Variants in GALNTL6 observed in about 807,000 individuals in gnomAD.
The protein encoded by GALNTL6 is polypeptide N-acetylgalactosaminyltransferase like 6, also known as polypeptide N-acetylgalactosaminyltransferase-like 6.
In GALNTL6, 46 loss-of-function variants were observed where a neutral mutation model predicts 73.7. That is an observed-to-expected ratio of 0.62 (90% confidence interval 0.49 to 0.80). The LOEUF (loss-of-function observed/expected upper bound fraction) is 0.80. GALNTL6 is among the 30% of genes least tolerant of loss of function. GALNTL6 has a pLI of 0.00. For missense variants in GALNTL6, 604 were observed against 755.0 expected (o/e 0.80, Z 2.34); for synonymous variants, 259 against 263.7 (o/e 0.98, Z 0.17).
chr4:172,002,127 C>T (rs1180282292), intron 2 of GALNTL6, among the ~76,000 whole-genome samples: 1 of 152,156 alleles, frequency 6.6e-6, no homozygotes, highest in East Asian at 1.9e-4. Context: ...ATCTTGCCAA[C>T]TTCAACAGGT....
chr4:172,676,532 T>C (rs1216998152), intron 5 of GALNTL6, among the ~76,000 whole-genome samples: 1 of 152,210 alleles, frequency 6.6e-6, no homozygotes, highest in African/African-American at 2.4e-5. Context: ...CCTCCTGTAT[T>C]TTGGGCTTGG....
At chr4:172,645,439 T>C (rs988151904) in intron 5 of GALNTL6, among the ~76,000 whole-genome samples, 1 of 151,976 alleles carries the variant, frequency 6.6e-6, no homozygotes, top group African/African-American at 2.4e-5. Context: ...GGAACATGTA[T>C]TGAGAAGATT....
intron 5 of GALNTL6, among the ~76,000 whole-genome samples, chr4:172,410,980 C>A (rs1332267094): frequency 6.6e-6 from 1 of 152,038 alleles, no homozygotes; most frequent in Non-Finnish European, 1.5e-5. Flanking sequence ...TTAGGCAAAA[C>A]AAGCCACATT....
intron 5 of GALNTL6, among the ~76,000 whole-genome samples, chr4:172,573,849 A>G (rs1360680453): frequency 6.6e-6 from 1 of 152,202 alleles, no homozygotes; most frequent in African/African-American, 2.4e-5. Context: ...GACTTTTGCC[A>G]GTAACACGTT....
chr4:172,608,952 T>C (rs908901932), intron 5 of GALNTL6, among the ~76,000 whole-genome samples: 24 of 152,266 alleles, frequency 1.6e-4, no homozygotes, highest in African/African-American at 5.5e-4. Flanking sequence ...ATAGAAATGC[T>C]ACTAATTTTT....
At chr4:172,008,894 G>A (rs1302714205) in intron 2 of GALNTL6, among the ~76,000 whole-genome samples, 2 of 151,908 alleles carry the variant, frequency 1.3e-5, no homozygotes, top group Non-Finnish European at 2.9e-5. Context: ...TGTAGAGGAG[G>A]GAGGGTGGTA....
At chr4:172,562,624 C>T (rs190709525) in intron 5 of GALNTL6, among the ~76,000 whole-genome samples, 4 of 152,342 alleles carry the variant, frequency 2.6e-5, no homozygotes, top group East Asian at 1.9e-4. Context: ...ACCCTTATCC[C>T]GGCCTCTTCT....
intron 2 of GALNTL6, among the ~76,000 whole-genome samples, chr4:172,122,383 C>T (rs1733175641): frequency 6.6e-6 from 1 of 152,094 alleles, no homozygotes; most frequent in African/African-American, 2.4e-5. Context: ...ATGCAGCTAT[C>T]AACTTATCAT....
chr4:172,625,443 T>G (rs2111081257), intron 5 of GALNTL6, among the ~76,000 whole-genome samples: 1 of 152,174 alleles, frequency 6.6e-6, no homozygotes, highest in Admixed American at 6.6e-5. Flanking sequence ...CTGCCGTTGA[T>G]TCTACGTGTC....
chr4:172,054,686 C>T (rs1255995513), intron 2 of GALNTL6, among the ~76,000 whole-genome samples: 2 of 152,082 alleles, frequency 1.3e-5, no homozygotes, highest in Non-Finnish European at 2.9e-5. Flanking sequence ...TTGAGGGTTA[C>T]GTTTCAACAT....
rs1293555543 is a variant in GALNTL6 at position 172,041,330 on chromosome 4, A to G, written c.139-188326A>G. 2.0e-5 allele frequency among the ~76,000 whole-genome samples: 3 copies of G among 152,100 alleles called. No homozygotes were observed. In the East Asian group the frequency reaches 5.8e-4, roughly 29 times the overall value. On this transcript the variant is annotated intron_variant, in intron 2 of 12. Coordinates refer to ENST00000506823, the MANE Select transcript of GALNTL6 (RefSeq NM_001034845.3). Reference sequence around the variant, plus strand: ...TCATCTTATTGCTGAGTGTTTTAACATTCAGTGGGCAACAAGCTATCAATT... The same window carrying G: ...TCATCTTATTGCTGAGTGTTTTAACGTTCAGTGGGCAACAAGCTATCAATT...
chr4:172,056,703 TAAATA>T lies in GALNTL6; in HGVS notation c.139-172946_139-172942del, dbSNP rs542843347. On this transcript the variant is annotated intron_variant, in intron 2 of 12. Coordinates refer to ENST00000506823, the MANE Select transcript of GALNTL6 (RefSeq NM_001034845.3). ...TTTTAATAATATAGTTATTTAATTA[TAAATA>T]AAATAAGCATTTTGACATATTTGTT... is the stretch of plus-strand genomic sequence containing the variant. Among the ~76,000 whole-genome samples the T allele has an allele frequency of 7.2e-5, 11 of 152,032 alleles. No individual in the cohort carries two copies. The South Asian group carries it at 1.5e-3, about 20-fold the overall frequency.
intron 2 of GALNTL6, among the ~76,000 whole-genome samples, chr4:171,887,722 T>A (rs1198546122): frequency 6.6e-6 from 1 of 152,228 alleles, no homozygotes; most frequent in South Asian, 2.1e-4. Context: ...CTTCTGGTGA[T>A]GTTGCTTTAT....
rs3080307 is a variant in GALNTL6, at chr4:171,824,077, T to TTATATATATATATATATA, written c.138+9375_138+9392dup. ...CTTAAGTCCTCAACACAAATCCATT[T>TTATATATATATATATATA]TATATATATATATATATATATATAT... is the stretch of plus-strand genomic sequence containing the variant. On this transcript the variant is annotated intron_variant, in intron 2 of 12. Transcript: ENST00000506823. 1.5e-3 allele frequency among the ~76,000 whole-genome samples: 195 copies of TTATATATATATATATATA among 129,160 alleles called. 2 individuals carry two copies. Among genetic ancestry groups the TTATATATATATATATATA allele is most frequent in the East Asian group, 2.2e-3 (10 of 4,554 alleles). 84.7% of individuals were successfully genotyped at this position (129,160 alleles called of 152,430 possible). A position where few individuals can be genotyped will look rare whatever the true frequency, so the allele number is the denominator to read the frequency against.
At chr4:172,004,066 G>T (rs918187278) in intron 2 of GALNTL6, among the ~76,000 whole-genome samples, 2 of 152,072 alleles carry the variant, frequency 1.3e-5, no homozygotes, top group Admixed American at 6.6e-5. Context: ...ACAACTGTTT[G>T]CATACCTAGT....
chr4:172,138,003 T>TG (rs141178142), intron 2 of GALNTL6, among the ~76,000 whole-genome samples: 3,180 of 152,246 alleles, frequency 0.021, 33 homozygotes, highest in Non-Finnish European at 0.031. Context: ...TTGGTGGTGT[T>TG]GCCATGAGCA....
At chr4:172,965,276 C>G (rs544715149) in intron 10 of GALNTL6, among the ~76,000 whole-genome samples, 1 of 152,092 alleles carries the variant, frequency 6.6e-6, no homozygotes, top group Non-Finnish European at 1.5e-5. Context: ...TGAAGACAAA[C>G]CTAAAGTGTC....
intron 3 of GALNTL6, among the ~76,000 whole-genome samples, chr4:172,260,073 CT>C (rs1738205829): frequency 6.6e-6 from 1 of 151,504 alleles, no homozygotes; most frequent in Non-Finnish European, 1.5e-5. Flanking sequence ...GCTATGTGGG[CT>C]TTTGCCGTTT....
chr4:172,211,071 T>C (rs565688976), intron 2 of GALNTL6, among the ~76,000 whole-genome samples: 10 of 152,208 alleles, frequency 6.6e-5, no homozygotes, highest in Non-Finnish European at 1.5e-4. Flanking sequence ...GTATTGGTGT[T>C]GTTTTTCATT....
Sources: allele counts gnomAD v4.1 joint callset (sites outside exome capture counted in the v4.1 genomes callset), GRCh38; gene constraint gnomAD v4.1.1; transcripts MANE v1.5; gene names NCBI Gene and HGNC (gene_info 2026-07-23, HGNC 2026-07-21).